CCDC171: variants seen among roughly 807,000 people sequenced by gnomAD.
CCDC171 encodes coiled-coil domain-containing protein 171.
Under a neutral mutation model 168.2 loss-of-function variants are expected in CCDC171, and 177 were observed. That is an observed-to-expected ratio of 1.05 (90% confidence interval 0.93 to 1.19). The LOEUF (loss-of-function observed/expected upper bound fraction) is 1.19. Ranked by LOEUF, CCDC171 falls within the 50% of genes most tolerant of loss-of-function variation. CCDC171 has a pLI of 0.00. For synonymous variants in CCDC171, 687 were observed against 540.8 expected (o/e 1.27, Z -3.75); for missense variants, 1,991 against 1,539.0 (o/e 1.29, Z -4.91).
chr9:15,569,990 G>A (rs1290632267), intron 2 of CCDC171, among the ~76,000 whole-genome samples: 1 of 143,228 alleles, frequency 7.0e-6, no homozygotes. Flanking sequence ...TTTTTTTTGA[G>A]ATGGAGTTTT....
At chr9:16,101,735 G>A in the CCDC171 span, among the ~76,000 whole-genome samples, 1 of 152,210 alleles carries the variant, frequency 6.6e-6, no homozygotes, top group South Asian at 2.1e-4. Context: ...ACAGGGCAGG[G>A]AAGAGTGGTC....
At chr9:15,725,669 C>T (rs1483105507) in intron 14 of CCDC171, among the ~76,000 whole-genome samples, 14 of 152,008 alleles carry the variant, frequency 9.2e-5, no homozygotes, top group South Asian at 2.1e-4. Context: ...AGGCTGGTCT[C>T]GAACTCCTGA....
At chr9:16,044,532 A>AT (rs34154704) in intron 1 of CCDC171, among the ~76,000 whole-genome samples, 52,248 of 145,414 alleles carry the variant, frequency 0.36, 9,948 homozygotes, top group Non-Finnish European at 0.45. Flanking sequence ...CTATTTAATA[A>AT]TTTTTTTTTT....
intron 9 of CCDC171, among the ~76,000 whole-genome samples, chr9:15,673,052 C>T (rs2049240263): frequency 6.6e-6 from 1 of 152,110 alleles, no homozygotes; most frequent in Non-Finnish European, 1.5e-5. Flanking sequence ...TTGTAGTTCT[C>T]CTTGAAGAGG....
chr9:15,772,269 C>G (rs940843966), intron 18 of CCDC171, among the ~76,000 whole-genome samples: 2 of 152,142 alleles, frequency 1.3e-5, no homozygotes, highest in Non-Finnish European at 2.9e-5. Context: ...TAGTTTCCAC[C>G]TCTCTTCTAG....
chr9:15,589,427 G>C (rs1393627322), intron 4 of CCDC171, among the ~76,000 whole-genome samples: 2 of 152,074 alleles, frequency 1.3e-5, no homozygotes, highest in Non-Finnish European at 2.9e-5. Flanking sequence ...TAGATCTTTA[G>C]ATAAATCCTG....
intron 7 of CCDC171, among the ~76,000 whole-genome samples, chr9:15,632,734 A>G (rs2045834149): frequency 6.6e-6 from 1 of 152,226 alleles, no homozygotes. Context: ...AGCCAAAAGA[A>G]CAAAGCTGGA....
chr9:16,006,160 C>T (rs1444944402), intron 3 of CCDC171, among the ~76,000 whole-genome samples: 1 of 152,186 alleles, frequency 6.6e-6, no homozygotes, highest in East Asian at 1.9e-4. Context: ...CTCTGCCCAA[C>T]CAAGAAGGTT....
intron 25 of CCDC171, 45 bp downstream of exon 25, chr9:15,920,467 G>T (rs766684800): frequency 1.5e-6 from 2 of 1,364,688 alleles, no homozygotes; most frequent in Admixed American, 3.9e-5. Flanking sequence ...TTGAATCTTG[G>T]GTTACATTTA....
chr9:15,704,773 A>G (rs2052074947), intron 11 of CCDC171, among the ~76,000 whole-genome samples: 1 of 152,106 alleles, frequency 6.6e-6, no homozygotes, highest in Non-Finnish European at 1.5e-5. Context: ...TAAGTCCAAG[A>G]CGTTCCAGAA....
upstream of CCDC171, among the ~76,000 whole-genome samples, chr9:16,038,070 A>G (rs1195461232): frequency 6.6e-6 from 1 of 152,136 alleles, no homozygotes; most frequent in African/African-American, 2.4e-5. Flanking sequence ...TTTTGTAGGA[A>G]ATATAATTAG....
chr9:16,020,609 G>A (rs532437437), exon 4 of CCDC171: 1 of 154,426 alleles, frequency 6.5e-6, no homozygotes, highest in South Asian at 2.0e-4. Context: ...TTTGCACTTT[G>A]GAGCTATGAT....
At chr9:15,755,293 G>A (rs2056030751) in intron 18 of CCDC171, among the ~76,000 whole-genome samples, 1 of 152,080 alleles carries the variant, frequency 6.6e-6, no homozygotes, top group Non-Finnish European at 1.5e-5. Flanking sequence ...AAAAGGGAAG[G>A]GCAAAATGTG....
intron 8 of CCDC171, among the ~76,000 whole-genome samples, chr9:15,660,934 A>G (rs1433162310): frequency 2.6e-5 from 4 of 152,202 alleles, no homozygotes; most frequent in Non-Finnish European, 5.9e-5. Flanking sequence ...TTACATTCCC[A>G]CCAATAATAT....
intron 21 of CCDC171, among the ~76,000 whole-genome samples, chr9:15,801,441 C>G (rs1244042752): frequency 1.3e-5 from 2 of 152,074 alleles, no homozygotes; most frequent in African/African-American, 4.8e-5. Context: ...TATGGAAATA[C>G]TACTGAATTT....
chr9:15,611,349 G>A (rs761845789), intron 6 of CCDC171, among the ~76,000 whole-genome samples: 9 of 152,186 alleles, frequency 5.9e-5, no homozygotes, highest in Non-Finnish European at 1.0e-4. Context: ...GAACCTTTCC[G>A]CAAATGTCCG....
intron 21 of CCDC171, among the ~76,000 whole-genome samples, chr9:15,810,189 C>G (rs2059278140): frequency 6.6e-6 from 1 of 152,040 alleles, no homozygotes; most frequent in Non-Finnish European, 1.5e-5. Context: ...CAAGTCCCCA[C>G]CAGATTAGCT....
intron 21 of CCDC171, among the ~76,000 whole-genome samples, chr9:15,823,396 T>G (rs747602072): frequency 6.6e-6 from 1 of 152,124 alleles, no homozygotes; most frequent in Non-Finnish European, 1.5e-5. Context: ...GAATAATAAT[T>G]TTTTTCACAG....
At chr9:15,796,834 C>T (rs2058581018) in intron 21 of CCDC171, among the ~76,000 whole-genome samples, 1 of 152,204 alleles carries the variant, frequency 6.6e-6, no homozygotes, top group African/African-American at 2.4e-5. Context: ...CTACAGCCTA[C>T]AGGAGAGCCT....
Sources: gnomAD v4.1 joint callset for allele counts (sites outside exome capture counted in the v4.1 genomes callset) on GRCh38, gnomAD v4.1.1 for gene constraint, MANE v1.5 for transcripts, NCBI Gene and HGNC (gene_info 2026-07-23, HGNC 2026-07-21) for gene names.